The following LY96 variants were observed in gnomAD, a reference collection of about 807,000 sequenced individuals.
LY96 encodes the protein lymphocyte antigen 96, also known as myeloid differentiation protein-2.
Under a neutral mutation model 18.9 loss-of-function variants are expected in LY96, and 18 were observed. The ratio of observed to expected loss-of-function variants is 0.95; its 90% CI spans 0.66 to 1.41. The LOEUF is 1.41. Among genes scored for constraint, LY96 ranks in the 40% most tolerant of loss-of-function variants. The pLI is 0.00. For synonymous variants in LY96, 66 were observed against 62.6 expected (o/e 1.06, Z -0.26); for missense variants, 175 against 182.4 (o/e 0.96, Z 0.23).
At chr8:74,015,124 T>G (rs1483078808) in intron 3 of LY96, among the ~76,000 whole-genome samples, 1 of 152,048 alleles carries the variant, frequency 6.6e-6, no homozygotes, top group Non-Finnish European at 1.5e-5. Context: ...GGAGGATCAC[T>G]GGAGCTTGGG....
the LY96 span, chr8:74,055,743 G>T: frequency 6.6e-6 from 1 of 152,278 alleles, no homozygotes; most frequent in African/African-American, 2.4e-5. Flanking sequence ...TTGCTGGCTG[G>T]CAGCAAAAGT....
At chr8:74,002,339 C>T (rs1322275370) in intron 1 of LY96, among the ~76,000 whole-genome samples, 1 of 151,390 alleles carries the variant, frequency 6.6e-6, no homozygotes, top group Non-Finnish European at 1.5e-5. Flanking sequence ...ACTTCTGGAA[C>T]TCTCATAATG....
At chr8:74,098,161 A>T in the LY96 span, among the ~76,000 whole-genome samples, 1 of 152,200 alleles carries the variant, frequency 6.6e-6, no homozygotes, top group African/African-American at 2.4e-5. Context: ...TAATTTCAGA[A>T]GTATCTTGCC....
intron 3 of LY96, among the ~76,000 whole-genome samples, chr8:74,022,505 A>G (rs1816788662): frequency 6.6e-6 from 1 of 150,446 alleles, no homozygotes; most frequent in Non-Finnish European, 1.5e-5. Flanking sequence ...AGAGGTTAGA[A>G]CTCCTTCCAC....
At chr8:74,062,569 A>G in the LY96 span, among the ~76,000 whole-genome samples, 15 of 152,324 alleles carry the variant, frequency 9.8e-5, no homozygotes, top group South Asian at 3.1e-3. Flanking sequence ...TGCAAAGGAC[A>G]TGATCTCATT....
chr8:74,039,748 C>G, the LY96 span, among the ~76,000 whole-genome samples: 1 of 152,206 alleles, frequency 6.6e-6, no homozygotes, highest in Non-Finnish European at 1.5e-5. Context: ...TTAAGACTTT[C>G]ACTATTTCTT....
chr8:74,045,104 A>G, the LY96 span, among the ~76,000 whole-genome samples: 2 of 152,258 alleles, frequency 1.3e-5, no homozygotes, highest in African/African-American at 4.8e-5. Flanking sequence ...TCCAGAATAG[A>G]TAATATTCTC....
At chr8:74,019,009 AAG>A (rs962798353) in intron 3 of LY96, among the ~76,000 whole-genome samples, 10 of 152,208 alleles carry the variant, frequency 6.6e-5, no homozygotes, top group Admixed American at 1.3e-4. Flanking sequence ...TCACAATTAA[AAG>A]AACTAGAGAA....
the LY96 span, among the ~76,000 whole-genome samples, chr8:74,066,545 G>T: frequency 6.6e-6 from 1 of 152,164 alleles, no homozygotes; most frequent in Non-Finnish European, 1.5e-5. Context: ...TTTTGTGGGG[G>T]ATGGGTGTGG....
At chr8:74,043,612 A>C in the LY96 span, among the ~76,000 whole-genome samples, 1 of 152,196 alleles carries the variant, frequency 6.6e-6, no homozygotes, top group African/African-American at 2.4e-5. Context: ...TATCTGCTTC[A>C]GTTGGCATAT....
chr8:74,059,840 C>A, the LY96 span, among the ~76,000 whole-genome samples: 15,063 of 152,164 alleles, frequency 0.099, 1,257 homozygotes, highest in African/African-American at 0.23. Context: ...TTGTTACATC[C>A]AAAACTTCAA....
chr8:74,053,616 C>T, the LY96 span, among the ~76,000 whole-genome samples: 1 of 152,184 alleles, frequency 6.6e-6, no homozygotes, highest in Admixed American at 6.5e-5. Flanking sequence ...TCTCATTGCT[C>T]TTCTTACCTA....
the LY96 span, among the ~76,000 whole-genome samples, chr8:74,046,903 C>CTT: frequency 0.046 from 6,153 of 135,068 alleles, 272 homozygotes; most frequent in African/African-American, 0.086. Context: ...CATTCTCATT[C>CTT]TTTTTTTTTT....
chr8:74,095,480 TG>T, the LY96 span, among the ~76,000 whole-genome samples: 1 of 152,164 alleles, frequency 6.6e-6, no homozygotes. Flanking sequence ...ATCCTTCCTG[TG>T]GGGAAAAACA....
downstream of LY96, among the ~76,000 whole-genome samples, chr8:74,030,934 G>A (rs917175157): frequency 2.0e-5 from 3 of 151,202 alleles, no homozygotes; most frequent in Non-Finnish European, 3.0e-5. Flanking sequence ...GAGAATCCCC[G>A]AGTACCCATG....
chr8:74,054,612 TTTTCCTTCTTTCTTTCTTTC>T, the LY96 span, among the ~76,000 whole-genome samples: 5 of 69,722 alleles, frequency 7.2e-5, no homozygotes, highest in African/African-American at 2.3e-4. Context: ...TCTTGTTTCC[TTTTCCTTCTTTCTTTCTTTC>T]TTTCTTTCTT....
At chr8:74,028,326 TC>T (rs1816911715) in intron 4 of LY96, among the ~76,000 whole-genome samples, 2 of 152,188 alleles carry the variant, frequency 1.3e-5, no homozygotes, top group Admixed American at 6.5e-5. Flanking sequence ...CATTTTTTTT[TC>T]CCTCTAACAT....
chr8:74,075,942 G>T, the LY96 span, among the ~76,000 whole-genome samples: 2 of 152,222 alleles, frequency 1.3e-5, no homozygotes, highest in Non-Finnish European at 2.9e-5. Flanking sequence ...GAAGGTGCTA[G>T]ACGGAGAAGA....
chr8:74,067,823 A>C, the LY96 span, among the ~76,000 whole-genome samples: 2 of 152,004 alleles, frequency 1.3e-5, no homozygotes, highest in Admixed American at 6.6e-5. Context: ...CACTTTGGGA[A>C]GCTGAGGCAG....
Sources: allele counts gnomAD v4.1 joint callset (sites outside exome capture counted in the v4.1 genomes callset), GRCh38; gene constraint gnomAD v4.1.1; transcripts MANE v1.5; gene names NCBI Gene and HGNC (gene_info 2026-07-23, HGNC 2026-07-21).